Variants in CABP1 observed in about 807,000 individuals in gnomAD.
CABP1 encodes calcium binding protein 1.
In CABP1, 17 loss-of-function variants were observed where a neutral mutation model predicts 34.3. That is an observed-to-expected ratio of 0.50 (90% CI 0.34 to 0.74). The LOEUF is 0.74. Ranked by LOEUF, CABP1 falls within the 30% of genes least tolerant of loss-of-function variation. CABP1 has a pLI of 0.01. For missense variants in CABP1, 373 were observed against 511.1 expected, an observed-to-expected ratio of 0.73 and a Z score of 2.61; for synonymous variants, 198 against 229.2, an observed-to-expected ratio of 0.86 and a Z score of 1.23.
chr12:120,659,846 C>T lies in CABP1; in HGVS notation c.655-32C>T, dbSNP rs142689476. On this transcript the variant is annotated intron_variant, in intron 1 of 5. Transcript: ENST00000316803. ...ATTTTGTGACTTCCAGGTCCCTTGT[C>T]GCGGCTAATAGGACATGTTCTTTTG... 43 of 1,609,918 alleles carry T rather than the reference C, an allele frequency of 2.7e-5. No homozygotes were observed. The East Asian group carries it at 4.5e-4, about 17-fold the overall frequency.
At chr12:120,670,593 C>CA (rs1387538311), downstream of CABP1, among the ~76,000 whole-genome samples, 2 of 152,112 alleles carry the variant, frequency 1.3e-5, no homozygotes, top group Non-Finnish European at 2.9e-5. Flanking sequence ...ACTAAAAATA[C>CA]AAAAATTAGC....
Position 120,641,456 on chromosome 12 carries a change from G to A in CABP1, c.654+117G>A. The A allele has an allele frequency of 9.0e-7, 1 of 1,109,624 alleles. No individual in the cohort carries two copies. Among genetic ancestry groups the A allele is most frequent in the Non-Finnish European group, 1.1e-6 (1 of 877,114 alleles). 68.7% of individuals were successfully genotyped at this position (1,109,624 alleles called of 1,614,324 possible). On this transcript the variant is annotated intron_variant, in intron 1 of 5. Transcript: ENST00000316803. The surrounding 1 kb of genome is among the most constrained non-coding windows in gnomAD (Gnocchi z 6.7). Reference sequence around the variant, plus strand: ...CGTGGTCCCCCACGGATCACGCCTCGGCTCACCTCGTCCTCCCCGGGCCGG... The same window carrying A: ...CGTGGTCCCCCACGGATCACGCCTCAGCTCACCTCGTCCTCCCCGGGCCGG...
At chr12:120,659,684 G>A (rs3889469) in intron 1 of CABP1, 194 bp from the exon 2 acceptor site, 24 of 530,404 alleles carry the variant, frequency 4.5e-5, no homozygotes, top group Admixed American at 7.3e-5. Flanking sequence ...CCTGTTAGGG[G>A]CCCAGGAGCT....
At chr12:120,659,769 C>G (rs764424777) in intron 1 of CABP1, 109 bp from the exon 2 acceptor site, 5 of 947,540 alleles carry the variant, frequency 5.3e-6, no homozygotes, top group Non-Finnish European at 6.7e-6. Context: ...GCTGCATCCT[C>G]GTCACCTCCT....
chr12:120,667,143 TCATGCCAGGCGCCAAGGGC>T lies in CABP1; in HGVS notation c.*248_*266del. Reference sequence around the variant, plus strand: ...GGCCACCGTGCCAAGCCGGCAGAGGTCATGCCAGGCGCCAAGGGCCATGTGCCCAGCTGCTGCTGGCTGG... The same window carrying T: ...GGCCACCGTGCCAAGCCGGCAGAGGTCATGTGCCCAGCTGCTGCTGGCTGG... On this transcript the variant is annotated 3_prime_UTR_variant, in exon 6 of 6. Transcript: ENST00000316803. The T allele has an allele frequency of 1.7e-6, 1 of 573,884 alleles. No individual in the cohort carries two copies. Among genetic ancestry groups the T allele is most frequent in the Non-Finnish European group, 3.1e-6 (1 of 325,958 alleles). The allele number at this position is 573,884 out of a possible 1,614,324, so 35.5% of individuals were successfully genotyped here. A position where few individuals can be genotyped will look rare whatever the true frequency, so the allele number is the denominator to read the frequency against.
chr12:120,645,068 G>A (rs549426760), intron 1 of CABP1, among the ~76,000 whole-genome samples: 1 of 152,362 alleles, frequency 6.6e-6, no homozygotes, highest in South Asian at 2.1e-4. Flanking sequence ...ACCTCCCAAA[G>A]TGCTGGGATT....
chr12:120,642,442 G>A (rs1022745338), intron 1 of CABP1, among the ~76,000 whole-genome samples: 1 of 152,160 alleles, frequency 6.6e-6, no homozygotes. Context: ...AATACTACTC[G>A]GCAGTGGCTG....
At chr12:120,655,682 G>A in intron 1 of CABP1, 1 of 1,430,814 alleles carries the variant, frequency 7.0e-7, no homozygotes, top group Non-Finnish European at 9.1e-7. Flanking sequence ...GAATTGGGAG[G>A]TTGGGAGCAT....
intron 1 of CABP1, among the ~76,000 whole-genome samples, chr12:120,654,258 C>T (rs1880025800): frequency 6.6e-6 from 1 of 152,166 alleles, no homozygotes; most frequent in South Asian, 2.1e-4. Context: ...TGAGTAGCTG[C>T]TTCCTCTTTG....
intron 1 of CABP1, among the ~76,000 whole-genome samples, chr12:120,648,843 T>G (rs1388998365): frequency 6.7e-6 from 1 of 149,792 alleles, no homozygotes; most frequent in Admixed American, 6.7e-5. Flanking sequence ...ATTGCGGCAC[T>G]GCACTCCAGC....
chr12:120,675,035 T>G, the CABP1 span, among the ~76,000 whole-genome samples: 39 of 151,206 alleles, frequency 2.6e-4, no homozygotes, highest in East Asian at 1.9e-3. Context: ...TTTATTTTTA[T>G]TTTTAGTTTT....
chr12:120,640,767 C>A lies in CABP1; in HGVS notation c.82C>A (p.Arg28=), dbSNP rs900505170. Residue 28 remains arginine, a synonymous_variant, in exon 1 of 6, where the codon CGG becomes AGG. Transcript: ENST00000316803. This position sits in a 1 kb window ranked among gnomAD's most constrained non-coding sequence, Gnocchi z 6.2. ...GCGCGTCCTCGGGCTTGGCTCCCGCCGGGAGCCCCGTTCTCTGCCCGCCGG... is the reference window on the plus strand; with the variant it reads ...GCGCGTCCTCGGGCTTGGCTCCCGCAGGGAGCCCCGTTCTCTGCCCGCCGG... ...LQRVLGLGSR[R]EPRSLPAGGP... The A allele has an allele frequency of 4.3e-6, 5 of 1,155,558 alleles. No homozygotes were observed. Among genetic ancestry groups the A allele is most frequent in the African/African-American group, 1.6e-5 (1 of 61,128 alleles). The allele number at this position is 1,155,558 out of a possible 1,614,324, so 71.6% of individuals were successfully genotyped here. A position where few individuals can be genotyped will look rare whatever the true frequency, so the allele number is the denominator to read the frequency against.
chr12:120,665,223 G>A (rs990961738), intron 5 of CABP1, among the ~76,000 whole-genome samples: 1 of 151,618 alleles, frequency 6.6e-6, no homozygotes, highest in Non-Finnish European at 1.5e-5. Context: ...AGGAGTTCGA[G>A]ACCAGCCTGG....
the CABP1 span, among the ~76,000 whole-genome samples, chr12:120,675,772 C>A: frequency 6.6e-6 from 1 of 152,102 alleles, no homozygotes. Context: ...CTAGTAGGCA[C>A]TTAGCAATGA....
In CABP1 at chr12:120,641,901, G is replaced by A. The variant is rs1879349615; in HGVS notation, c.654+562G>A. Among the ~76,000 whole-genome samples, 1 of 152,070 alleles carries A rather than the reference G, an allele frequency of 6.6e-6. No homozygotes were observed. The highest frequency in any genetic ancestry group is 1.5e-5 in the Non-Finnish European group (1 of 68,020). ...GAAGAGGTGTCTGGGTAGGCATGGA[G>A]GGGCATGCAGAGCTGTGGCTCAAAC... On this transcript the variant is annotated intron_variant, in intron 1 of 5. Transcript: ENST00000316803. This position sits in a 1 kb window ranked among gnomAD's most constrained non-coding sequence, Gnocchi z 6.7.
In CABP1 at chr12:120,661,208, G is replaced by A. The variant is rs758514309; in HGVS notation, c.1077G>A (p.Val359=). 8.5e-5 allele frequency: 136 copies of A among 1,607,308 alleles called. No homozygotes were observed. Among genetic ancestry groups the A allele is most frequent in the Non-Finnish European group, 1.1e-4 (133 of 1,179,520 alleles). ...TGGACCTCAATGGGGATGGACGAGT[G>A]GACTTTGAAGGTAGGTGGGGCTTGA... The part of the protein sequence containing the change: ...RDVDLNGDGR[V]DFEEFVRMMS... Residue 359 remains valine, a synonymous_variant, in exon 5 of 6, where the codon GTG becomes GTA. Transcript: ENST00000316803. This position sits in a 1 kb window ranked among gnomAD's most constrained non-coding sequence, Gnocchi z 5.1.
intron 1 of CABP1, chr12:120,655,703 G>A: frequency 7.0e-7 from 1 of 1,434,766 alleles, no homozygotes; most frequent in African/African-American, 1.4e-5. Flanking sequence ...TTTGGGAAAG[G>A]ATGTTGTCTC....
intron 1 of CABP1, among the ~76,000 whole-genome samples, chr12:120,658,716 G>A (rs1055273806): frequency 2.0e-5 from 3 of 152,130 alleles, no homozygotes; most frequent in South Asian, 2.1e-4. Flanking sequence ...TGGCTGGAAC[G>A]GCCTGCATGC....
At chr12:120,655,826 CGTGCGTGTGT>C (rs756630054) in intron 1 of CABP1, 89 of 1,416,144 alleles carry the variant, frequency 6.3e-5, no homozygotes, top group South Asian at 8.9e-5. Context: ...CCAGTGCGTG[CGTGCGTGTGT>C]GTGTGTGTGT....
Sources: gnomAD v4.1 joint callset for allele counts (sites outside exome capture counted in the v4.1 genomes callset) on GRCh38, gnomAD v4.1.1 for gene constraint, Gnocchi (gnomAD v3.1) non-coding constraint, MANE v1.5 for transcripts, NCBI Gene and HGNC (gene_info 2026-07-23, HGNC 2026-07-21) for gene names.